Variants in AGAP1 observed in about 807,000 individuals in gnomAD.
AGAP1 encodes the protein arf-GAP with GTPase, ANK repeat and PH domain-containing protein 1.
In AGAP1, 29 loss-of-function variants were observed where a neutral mutation model predicts 105.3. That is an observed-to-expected ratio of 0.28 (90% CI 0.21 to 0.38). The LOEUF (loss-of-function observed/expected upper bound fraction) is 0.38, where lower values mean the gene tolerates loss of function less well. Among genes scored for constraint, AGAP1 ranks in the 10% least tolerant of loss-of-function variants. AGAP1 has a pLI of 1.00. For synonymous variants in AGAP1, 509 were observed against 485.9 expected, an observed-to-expected ratio of 1.05 and a Z score of -0.63; for missense variants, 998 against 1,165.1, an observed-to-expected ratio of 0.86 and a Z score of 2.09.
intron 1 of AGAP1, among the ~76,000 whole-genome samples, chr2:235,538,083 T>C (rs1280967139): frequency 6.6e-6 from 1 of 152,238 alleles, no homozygotes; most frequent in Non-Finnish European, 1.5e-5. Context: ...GCTTATACCC[T>C]GTTCTCCCAG....
At position 235,769,602 on chromosome 2, in the gene AGAP1, C is replaced by T. The variant is rs145488166; in HGVS notation, c.673+19114C>T. Among the ~76,000 whole-genome samples the T allele has an allele frequency of 2.0e-4, 30 of 152,190 alleles. No homozygotes were observed. The highest frequency in any genetic ancestry group is 6.3e-4 in the African/African-American group (26 of 41,524). On this transcript the variant is annotated intron_variant, in intron 6 of 17. Coordinates refer to ENST00000304032, the MANE Select transcript of AGAP1 (RefSeq NM_001037131.3). The surrounding 1 kb of genome is among the most constrained non-coding windows in gnomAD (Gnocchi z 4.4). ...CTGTTGCGTGAGATAAGTTAGGATG[C>T]TCTTGAAGAAGTTTAGTGACATTCA...
In AGAP1 at chr2:235,555,451, T is replaced by TG. The variant is rs1376739327; in HGVS notation, c.163+60606dup. ...GGGTGGAGCTCAGGGAATAGGCATGTGGGGCACACTCTCCAGGCACATCCA... is the reference window on the plus strand; with the variant it reads ...GGGTGGAGCTCAGGGAATAGGCATGTGGGGGCACACTCTCCAGGCACATCCA... On this transcript the variant is annotated intron_variant, in intron 1 of 17. Coordinates refer to ENST00000304032, the MANE Select transcript of AGAP1 (RefSeq NM_001037131.3). This position sits in a 1 kb window ranked among gnomAD's most constrained non-coding sequence, Gnocchi z 5.1. 3.9e-5 allele frequency among the ~76,000 whole-genome samples: 6 copies of TG among 152,050 alleles called. No homozygotes were observed. Among genetic ancestry groups the TG allele is most frequent in the Admixed American group, 2.0e-4 (3 of 15,278 alleles).
In AGAP1 at chr2:235,994,802, C is replaced by T. The variant is rs1389384609; in HGVS notation, c.1645+26179C>T. Among the ~76,000 whole-genome samples the T allele has an allele frequency of 8.6e-5, 13 of 150,792 alleles. No individual in the cohort carries two copies. The highest frequency in any genetic ancestry group is 6.6e-5 in the Admixed American group (1 of 15,180). On this transcript the variant is annotated intron_variant, in intron 13 of 17. Coordinates refer to ENST00000304032, the MANE Select transcript of AGAP1 (RefSeq NM_001037131.3). This position sits in a 1 kb window ranked among gnomAD's most constrained non-coding sequence, Gnocchi z 4.4. ...TTAGAATAGGCCGGGCCCAATGGCTCACACCTGTAATCCTAGCACTTTGGG... is the reference window on the plus strand; with the variant it reads ...TTAGAATAGGCCGGGCCCAATGGCTTACACCTGTAATCCTAGCACTTTGGG...
At chr2:236,039,363 T>G (rs906099361) in intron 14 of AGAP1, among the ~76,000 whole-genome samples, 1 of 152,132 alleles carries the variant, frequency 6.6e-6, no homozygotes. Flanking sequence ...GAGGACCACT[T>G]GAGCCCAGGA....
At chr2:235,745,512 G>T (rs3768957) in intron 5 of AGAP1, among the ~76,000 whole-genome samples, 2 of 152,194 alleles carry the variant, frequency 1.3e-5, no homozygotes, top group Admixed American at 6.5e-5. Context: ...AAGATGTCAC[G>T]TAGGATGTTT....
chr2:235,798,870 CA>C (rs1041317180), intron 7 of AGAP1, among the ~76,000 whole-genome samples: 3,361 of 49,028 alleles, frequency 0.069, 52 homozygotes, highest in African/African-American at 0.17. Flanking sequence ...GACCCTGTCT[CA>C]AAAAAAAAAA....
chr2:236,011,842 G>A (rs1271907740), intron 13 of AGAP1, among the ~76,000 whole-genome samples: 1 of 152,098 alleles, frequency 6.6e-6, no homozygotes. Flanking sequence ...GAGGCTGCCA[G>A]TGGTGGGCAG....
Position 235,513,553 on chromosome 2 carries a change from G to T in AGAP1, c.163+18704G>T, listed in dbSNP as rs375722521. On this transcript the variant is annotated intron_variant, in intron 1 of 17. Transcript: ENST00000304032. ...AAAAAAAAAAAAAAAAAAAAGAAAT[G>T]CAGATCACTGGGCTCCACCCCCAGA... 1.4e-3 allele frequency among the ~76,000 whole-genome samples: 202 copies of T among 143,162 alleles called. 1 individual carries two copies. The highest frequency in any genetic ancestry group is 4.9e-3 in the African/African-American group (188 of 38,382). 93.9% of individuals were successfully genotyped at this position (143,162 alleles called of 152,430 possible).
At chr2:235,860,014 T>C (rs1485960330) in intron 9 of AGAP1, among the ~76,000 whole-genome samples, 1 of 152,220 alleles carries the variant, frequency 6.6e-6, no homozygotes, top group African/African-American at 2.4e-5. Flanking sequence ...CAGCCCAGTC[T>C]CATAATTGCT....
chr2:235,808,257 C>T lies in AGAP1; in HGVS notation c.1050+926C>T, dbSNP rs10209525. Among the ~76,000 whole-genome samples, 388 of 152,332 alleles carry T rather than the reference C, an allele frequency of 2.5e-3. 1 individual carries two copies. Among genetic ancestry groups the T allele is most frequent in the African/African-American group, 8.9e-3 (371 of 41,574 alleles). On this transcript the variant is annotated intron_variant, in intron 9 of 17. Coordinates refer to ENST00000304032, the MANE Select transcript of AGAP1 (RefSeq NM_001037131.3). Reference sequence around the variant, plus strand: ...GCCTCTCAGGCACAGGGCTTGTGACCGGTGTGCACCTCCGGTCCAGCTCAC... The same window carrying T: ...GCCTCTCAGGCACAGGGCTTGTGACTGGTGTGCACCTCCGGTCCAGCTCAC...
chr2:235,711,127 T>C (rs996555313), intron 2 of AGAP1, among the ~76,000 whole-genome samples: 1 of 152,228 alleles, frequency 6.6e-6, no homozygotes, highest in South Asian at 2.1e-4. Flanking sequence ...CTCCTGCGTC[T>C]GCACTGCCCA....
rs2051229387 is a variant in AGAP1 at position 235,904,904 on chromosome 2, G to T, written c.1156-3834G>T. Among the ~76,000 whole-genome samples the T allele has an allele frequency of 6.6e-6, 1 of 152,048 alleles. No homozygotes were observed. The highest frequency in any genetic ancestry group is 2.4e-5 in the African/African-American group (1 of 41,416). On this transcript the variant is annotated intron_variant, in intron 10 of 17. Coordinates refer to ENST00000304032, the MANE Select transcript of AGAP1 (RefSeq NM_001037131.3). The surrounding 1 kb of genome is among the most constrained non-coding windows in gnomAD (Gnocchi z 4.2). Reference sequence around the variant, plus strand: ...TTTTATTGAGTAGGAAATGCATTTTGTAAAATTTTTAAAAATGTGCAGTGC... The same window carrying T: ...TTTTATTGAGTAGGAAATGCATTTTTTAAAATTTTTAAAAATGTGCAGTGC...
chr2:235,772,861 G>C (rs1456593707), intron 6 of AGAP1, among the ~76,000 whole-genome samples: 2 of 152,268 alleles, frequency 1.3e-5, no homozygotes, highest in African/African-American at 4.8e-5. Flanking sequence ...AGTCCTTGTG[G>C]GCCCTGCATT....
rs2056551382 is a variant in AGAP1, at chr2:236,012,556, CATG to C, written c.1646-24004_1646-24002del. ...GACAGATTTGGTTTCCTTCGTTCCT[CATG>C]CATGGTATTTGTACCGGTGGGTACC... is the stretch of plus-strand genomic sequence containing the variant. On this transcript the variant is annotated intron_variant, in intron 13 of 17. Coordinates refer to ENST00000304032, the MANE Select transcript of AGAP1 (RefSeq NM_001037131.3). This position sits in a 1 kb window ranked among gnomAD's most constrained non-coding sequence, Gnocchi z 4.9. Among the ~76,000 whole-genome samples the C allele has an allele frequency of 2.0e-5, 3 of 152,098 alleles. No homozygotes were observed. The highest frequency in any genetic ancestry group is 4.4e-5 in the Non-Finnish European group (3 of 68,026).
chr2:235,921,770 A>T (rs1035752719), intron 11 of AGAP1, among the ~76,000 whole-genome samples: 1 of 152,214 alleles, frequency 6.6e-6, no homozygotes, highest in African/African-American at 2.4e-5. Flanking sequence ...TTTACAAAAC[A>T]AGTATCACAG....
At position 236,051,479 on chromosome 2, in the gene AGAP1, G is replaced by C. The variant is rs1250301406; in HGVS notation, c.2114+2198G>C. 6.6e-6 allele frequency among the ~76,000 whole-genome samples: 1 copy of C among 152,062 alleles called. No homozygotes were observed. Among genetic ancestry groups the C allele is most frequent in the Admixed American group, 6.5e-5 (1 of 15,270 alleles). On this transcript the variant is annotated intron_variant, in intron 16 of 17. Transcript: ENST00000304032. This position sits in a 1 kb window ranked among gnomAD's most constrained non-coding sequence, Gnocchi z 5.9. Reference sequence around the variant, plus strand: ...ACTCTGAAATAGGGGGTGATTCCCAGGGCCAGGGCCAGGGGACCAGGTGGG... The same window carrying C: ...ACTCTGAAATAGGGGGTGATTCCCACGGCCAGGGCCAGGGGACCAGGTGGG...
Position 236,123,863 on chromosome 2 carries a change from C to T in AGAP1, c.2371-56C>T. 1.9e-6 allele frequency: 3 copies of T among 1,602,218 alleles called. No individual in the cohort carries two copies. In the South Asian group the frequency reaches 3.3e-5, roughly 18 times the overall value. On this transcript the variant is annotated intron_variant, in intron 17 of 17. Coordinates refer to ENST00000304032, the MANE Select transcript of AGAP1 (RefSeq NM_001037131.3). This position sits in a 1 kb window ranked among gnomAD's most constrained non-coding sequence, Gnocchi z 4.6. ...AAGGGCTGAGAGAAAGCTTCCCTGC[C>T]CCCTCCCTCCATCACATCCCCCATG... is the stretch of plus-strand genomic sequence containing the variant.
Position 235,559,839 on chromosome 2 carries a change from G to A in AGAP1, c.163+64990G>A, listed in dbSNP as rs1161258341. On this transcript the variant is annotated intron_variant, in intron 1 of 17. Coordinates refer to ENST00000304032, the MANE Select transcript of AGAP1 (RefSeq NM_001037131.3). The surrounding 1 kb of genome is among the most constrained non-coding windows in gnomAD (Gnocchi z 5.7). ...AATCTTTTGACTGTTTTTAAATTGA[G>A]TCTTTTTATTGTTGAGTGGTTGGAG... 6.6e-6 allele frequency among the ~76,000 whole-genome samples: 1 copy of A among 151,690 alleles called. No individual in the cohort carries two copies. The highest frequency in any genetic ancestry group is 2.4e-5 in the African/African-American group (1 of 41,252).
At chr2:235,607,510 G>A (rs935667473) in intron 1 of AGAP1, among the ~76,000 whole-genome samples, 1 of 152,178 alleles carries the variant, frequency 6.6e-6, no homozygotes, top group Admixed American at 6.5e-5. Flanking sequence ...GAGCCCGTTG[G>A]CCTGGGTGGA....
Sources: allele counts gnomAD v4.1 joint callset (sites outside exome capture counted in the v4.1 genomes callset), GRCh38; gene constraint gnomAD v4.1.1; non-coding constraint Gnocchi (gnomAD v3.1); transcripts MANE v1.5; gene names NCBI Gene and HGNC (gene_info 2026-07-23, HGNC 2026-07-21).